The following DNAH12 variants were observed in gnomAD, a reference collection of about 807,000 sequenced individuals.
The protein encoded by DNAH12 is axonemal beta dynein heavy chain 12.
DNAH12 carries 285 observed loss-of-function variants against 371.5 expected under a neutral mutation model. That is an observed-to-expected ratio of 0.77 (90% confidence interval 0.70 to 0.85). DNAH12 has a LOEUF of 0.85. Among genes scored for constraint, DNAH12 ranks in the 40% least tolerant of loss-of-function variants. DNAH12 has a pLI of 0.00. For missense variants in DNAH12, 3,611 were observed against 3,689.4 expected, an observed-to-expected ratio of 0.98 and a Z score of 0.55; for synonymous variants, 1,200 against 1,213.0, an observed-to-expected ratio of 0.99 and a Z score of 0.22.
At chr3:57,307,885 T>G (rs2061504694) in intron 69 of DNAH12, among the ~76,000 whole-genome samples, 1 of 152,188 alleles carries the variant, frequency 6.6e-6, no homozygotes, top group Non-Finnish European at 1.5e-5. Flanking sequence ...CAGGCCTAAT[T>G]GCCACACACC....
chr3:57,448,858 C>A (rs1339086779), intron 25 of DNAH12, among the ~76,000 whole-genome samples: 1 of 151,860 alleles, frequency 6.6e-6, no homozygotes, highest in African/African-American at 2.4e-5. Flanking sequence ...GGTGCACTCA[C>A]AAACCTTGAG....
chr3:57,551,260 A>T, the DNAH12 span, among the ~76,000 whole-genome samples: 6 of 150,810 alleles, frequency 4.0e-5, no homozygotes, highest in African/African-American at 1.2e-4. Flanking sequence ...TGTATACAAA[A>T]TTATTTATTT....
At position 57,432,470 on chromosome 3, in the gene DNAH12, G is replaced by A. The variant is rs546869440; in HGVS notation, c.4980+897C>T. 8.5e-4 allele frequency among the ~76,000 whole-genome samples: 129 copies of A among 151,486 alleles called. 2 individuals are homozygous for A. Among genetic ancestry groups the A allele is most frequent in the East Asian group, 1.6e-3 (8 of 5,136 alleles). ...GCTGGGATAACAGGCGTGAGCCACC[G>A]CGCCCGGCCTTGAGTGTATCTTTAA... On this transcript the variant is annotated intron_variant, in intron 32 of 73. Coordinates refer to ENST00000495027, the MANE Select transcript of DNAH12 (RefSeq NM_001366028.2).
chr3:57,338,616 ATC>A (rs1413195038), intron 60 of DNAH12, among the ~76,000 whole-genome samples: 3 of 134,186 alleles, frequency 2.2e-5, no homozygotes, highest in Non-Finnish European at 4.6e-5. Flanking sequence ...TGTGAAGAGC[ATC>A]TCTGCCTGGC....
intron 12 of DNAH12, among the ~76,000 whole-genome samples, chr3:57,488,443 C>T (rs1314880557): frequency 5.9e-5 from 9 of 152,106 alleles, no homozygotes; most frequent in African/African-American, 2.2e-4. Context: ...TCGCCCTCCT[C>T]GGCCTCCCAA....
chr3:57,339,087 G>A (rs1010932494), intron 60 of DNAH12, among the ~76,000 whole-genome samples: 3 of 152,032 alleles, frequency 2.0e-5, no homozygotes, highest in Admixed American at 6.6e-5. Flanking sequence ...CCCCAACCCC[G>A]TGCTCTCTGA....
Position 57,505,598 on chromosome 3 carries a change from G to A in DNAH12, c.898-1394C>T, listed in dbSNP as rs373546655. Among the ~76,000 whole-genome samples, 23 of 151,252 alleles carry A rather than the reference G, an allele frequency of 1.5e-4. No individual in the cohort carries two copies. The East Asian group carries it at 3.6e-3, about 23-fold the overall frequency. Reference sequence around the variant, plus strand: ...TGGGATTACAGGTGCCTGCCACCACGCCTGCCTAATTTTTGTAGTTTTAGT... The same window carrying A: ...TGGGATTACAGGTGCCTGCCACCACACCTGCCTAATTTTTGTAGTTTTAGT... On this transcript the variant is annotated intron_variant, in intron 8 of 73. Coordinates refer to ENST00000495027, the MANE Select transcript of DNAH12 (RefSeq NM_001366028.2).
chr3:57,465,773 T>C (rs907904430), intron 17 of DNAH12, among the ~76,000 whole-genome samples: 2 of 151,808 alleles, frequency 1.3e-5, no homozygotes, highest in African/African-American at 2.4e-5. Flanking sequence ...GGTCAATAAT[T>C]CAACAGAAAA....
chr3:57,439,530 T>C (rs896180913), intron 29 of DNAH12, among the ~76,000 whole-genome samples: 2 of 152,122 alleles, frequency 1.3e-5, no homozygotes, highest in African/African-American at 4.8e-5. Flanking sequence ...TTTCACCATA[T>C]ACAAAAATTA....
At position 57,421,902 on chromosome 3, in the gene DNAH12, C is replaced by CTTT. The variant is rs368757579; in HGVS notation, c.5374-199_5374-197dup. Among the ~76,000 whole-genome samples the CTTT allele has an allele frequency of 1.7e-3, 164 of 98,516 alleles. 21 individuals carry two copies. Among genetic ancestry groups the CTTT allele is most frequent in the African/African-American group, 6.4e-3 (132 of 20,610 alleles). The allele number at this position is 98,516 out of a possible 152,430, so 64.6% of individuals were successfully genotyped here. ...AATTTTTATCAAAATGTTTGCATGT[C>CTTT]TTTTTTTTTTTTTTTTTTTTTGAGA... On this transcript the variant is annotated intron_variant, in intron 35 of 73. Coordinates refer to ENST00000495027, the MANE Select transcript of DNAH12 (RefSeq NM_001366028.2).
intron 11 of DNAH12, among the ~76,000 whole-genome samples, chr3:57,496,129 A>T (rs1268763276): frequency 6.6e-6 from 1 of 151,860 alleles, no homozygotes; most frequent in Non-Finnish European, 1.5e-5. Context: ...GAATCCTGTC[A>T]ATGACCACTT....
chr3:57,472,798 T>G lies in DNAH12; in HGVS notation c.1651-127A>C. The G allele has an allele frequency of 3.0e-6, 3 of 988,078 alleles. No individual in the cohort carries two copies. In the South Asian group the frequency reaches 4.8e-5, roughly 16 times the overall value. The allele number at this position is 988,078 out of a possible 1,614,324, so 61.2% of individuals were successfully genotyped here. On this transcript the variant is annotated intron_variant, in intron 13 of 73. Coordinates refer to ENST00000495027, the MANE Select transcript of DNAH12 (RefSeq NM_001366028.2). ...GTTTGACTCAGATTATTAACTGATA[T>G]TTTATATATCACCCAAACCAGATGG...
intron 37 of DNAH12, among the ~76,000 whole-genome samples, chr3:57,416,970 G>C (rs576403941): frequency 6.6e-6 from 1 of 152,144 alleles, no homozygotes; most frequent in East Asian, 1.9e-4. Context: ...ACAAACACAG[G>C]CCAGGCGCGG....
intron 32 of DNAH12, 34 bp downstream of exon 32, chr3:57,433,322 TGCTTAATCATG>T: frequency 3.3e-6 from 5 of 1,520,868 alleles, no homozygotes; most frequent in Non-Finnish European, 4.4e-6. Flanking sequence ...CACATAAAAT[TGCTTAATCATG>T]GCTGAATCTG....
chr3:57,460,538 T>A lies in DNAH12; in HGVS notation c.2737-752A>T, dbSNP rs567582689. Among the ~76,000 whole-genome samples, 3 of 152,310 alleles carry A rather than the reference T, an allele frequency of 2.0e-5. No homozygotes were observed. The South Asian group carries it at 6.2e-4, about 32-fold the overall frequency. On this transcript the variant is annotated intron_variant, in intron 19 of 73. Transcript: ENST00000495027. ...AAATCTCTACGACAGCTTTTAAATT[T>A]GTCTTCTAAATTCCCCTTGTTAGAC...
At position 57,470,998 on chromosome 3, in the gene DNAH12, C is replaced by T. The variant is rs1051086915; in HGVS notation, c.1912-362G>A. On this transcript the variant is annotated intron_variant, in intron 15 of 73. Coordinates refer to ENST00000495027, the MANE Select transcript of DNAH12 (RefSeq NM_001366028.2). ...CTAGGATTACAGGAGTGAGCCACTG[C>T]GCCTGGCCTATACAGCAACTTTAAA... Among the ~76,000 whole-genome samples the T allele has an allele frequency of 7.9e-5, 12 of 152,126 alleles. 1 individual carries two copies. The highest frequency in any genetic ancestry group is 2.9e-5 in the Non-Finnish European group (2 of 68,028).
chr3:57,342,318 G>A (rs1479957024), intron 60 of DNAH12, among the ~76,000 whole-genome samples: 1 of 151,716 alleles, frequency 6.6e-6, no homozygotes, highest in Admixed American at 6.6e-5. Context: ...ACAACACAAT[G>A]AAAAGACAAC....
Position 57,468,877 on chromosome 3 carries a change from C to A in DNAH12, c.2208G>T (p.Thr736=), listed in dbSNP as rs1343189908. The A allele has an allele frequency of 5.2e-6, 8 of 1,525,802 alleles. No individual in the cohort carries two copies. Among genetic ancestry groups the A allele is most frequent in the Non-Finnish European group, 7.0e-6 (8 of 1,140,998 alleles). The allele number at this position is 1,525,802 out of a possible 1,614,324, so 94.5% of individuals were successfully genotyped here. A position where few individuals can be genotyped will look rare whatever the true frequency, so the allele number is the denominator to read the frequency against. ...TTTCTTGTAATTCTTTCTTTAGCTTCGTTTGGAAAAATTTTAGTGTCTTAA... is the reference window on the plus strand; with the variant it reads ...TTTCTTGTAATTCTTTCTTTAGCTTAGTTTGGAAAAATTTTAGTGTCTTAA... ...EIFKTLKFFQ[T]KLKKELQEKR... is the part of the protein sequence containing the mutation. Residue 736 remains threonine, a synonymous_variant, in exon 17 of 74, where the codon ACG becomes ACT. Coordinates refer to ENST00000495027, the MANE Select transcript of DNAH12 (RefSeq NM_001366028.2).
chr3:57,507,298 A>T (rs2067797893), intron 8 of DNAH12, among the ~76,000 whole-genome samples: 1 of 152,144 alleles, frequency 6.6e-6, no homozygotes, highest in Non-Finnish European at 1.5e-5. Context: ...TTTTACTGAG[A>T]ACAAAATGAG....
Sources: allele counts gnomAD v4.1 joint callset (sites outside exome capture counted in the v4.1 genomes callset), GRCh38; gene constraint gnomAD v4.1.1; transcripts MANE v1.5; gene names NCBI Gene and HGNC (gene_info 2026-07-23, HGNC 2026-07-21).